AMBRA1: variants seen among roughly 807,000 people sequenced by gnomAD.
AMBRA1 encodes autophagy and beclin 1 regulator 1, also known as activating molecule in BECN1-regulated autophagy protein 1.
AMBRA1 carries 47 observed loss-of-function variants against 125.4 expected under a neutral mutation model. That is an observed-to-expected ratio of 0.37 (90% CI 0.30 to 0.48). The LOEUF (loss-of-function observed/expected upper bound fraction) is 0.48, where lower values mean the gene tolerates loss of function less well. AMBRA1 is among the 20% of genes least tolerant of loss of function. The pLI, the probability that AMBRA1 is intolerant of heterozygous loss-of-function variation, is 0.99. For missense variants in AMBRA1, 1,331 were observed against 1,693.4 expected, an observed-to-expected ratio of 0.79 and a Z score of 3.76; for synonymous variants, 626 against 655.5, an observed-to-expected ratio of 0.95 and a Z score of 0.69.
intron 1 of AMBRA1, among the ~76,000 whole-genome samples, chr11:46,551,820 G>A (rs1591101412): frequency 6.6e-6 from 1 of 152,202 alleles, no homozygotes; most frequent in East Asian, 1.9e-4. Flanking sequence ...CTGAGGTCAG[G>A]AGTTCGAGAC....
chr11:46,578,428 A>C (rs1203980395), intron 1 of AMBRA1, among the ~76,000 whole-genome samples: 3 of 151,888 alleles, frequency 2.0e-5, no homozygotes, highest in Non-Finnish European at 4.4e-5. Flanking sequence ...CAGAAGTTGC[A>C]GTGAGCCAAG....
intron 14 of AMBRA1, among the ~76,000 whole-genome samples, chr11:46,421,864 G>A (rs1485551422): frequency 2.0e-5 from 3 of 152,052 alleles, no homozygotes; most frequent in African/African-American, 7.3e-5. Context: ...AGATTTCCAC[G>A]GGGACTGGCT....
At chr11:46,524,023 C>T (rs1951867140) in intron 7 of AMBRA1, among the ~76,000 whole-genome samples, 1 of 152,174 alleles carries the variant, frequency 6.6e-6, no homozygotes, top group Admixed American at 6.5e-5. Context: ...GATGCACCAC[C>T]ATGCCCAGCT....
At chr11:46,407,078 C>T (rs1371503858) in intron 17 of AMBRA1, among the ~76,000 whole-genome samples, 2 of 152,106 alleles carry the variant, frequency 1.3e-5, no homozygotes, top group Non-Finnish European at 2.9e-5. Context: ...ACTTGGGAGG[C>T]TGAGGCAGGA....
At position 46,397,597 on chromosome 11, in the gene AMBRA1, A is replaced by G; in HGVS notation, c.3750T>C (p.Ser1250=). Residue 1250 remains serine, a synonymous_variant, in exon 18 of 18, where the codon TCT becomes TCC. Transcript: ENST00000683756. The part of the protein sequence containing the change: ...GREPTQPTLP[S]SSPVPIPVSL... ...AAACAGGAATGGGGACAGGGGAGGA[A>G]GAGGGCAGGGTTGGCTGGGTTGGCT... The G allele has an allele frequency of 6.2e-7, 1 of 1,604,786 alleles. No individual in the cohort carries two copies. Among genetic ancestry groups the G allele is most frequent in the South Asian group, 1.1e-5 (1 of 89,818 alleles).
chr11:46,462,128 G>C (rs996139173), intron 11 of AMBRA1, among the ~76,000 whole-genome samples: 7 of 152,106 alleles, frequency 4.6e-5, no homozygotes, highest in African/African-American at 1.7e-4. Flanking sequence ...AATGTATTTT[G>C]GTGTTTCCTT....
At chr11:46,507,372 A>G (rs1294860127) in intron 9 of AMBRA1, among the ~76,000 whole-genome samples, 4 of 141,528 alleles carry the variant, frequency 2.8e-5, no homozygotes, top group African/African-American at 7.9e-5. Flanking sequence ...CCAGCTACTC[A>G]GGAGGCTGAG....
chr11:46,421,616 T>C (rs751962314), intron 14 of AMBRA1, among the ~76,000 whole-genome samples: 9 of 152,210 alleles, frequency 5.9e-5, no homozygotes, highest in Admixed American at 3.9e-4. Flanking sequence ...CTGGCCCATT[T>C]TGAAAAGCAC....
intron 11 of AMBRA1, among the ~76,000 whole-genome samples, chr11:46,484,557 T>G (rs976191594): frequency 2.0e-5 from 3 of 152,132 alleles, no homozygotes; most frequent in Non-Finnish European, 4.4e-5. Flanking sequence ...ATATGGACAT[T>G]AAGATTTCTA....
intron 14 of AMBRA1, among the ~76,000 whole-genome samples, chr11:46,432,031 TTTTA>T (rs1016983421): frequency 6.6e-6 from 1 of 152,172 alleles, no homozygotes; most frequent in Non-Finnish European, 1.5e-5. Flanking sequence ...GATGCTTTAT[TTTTA>T]TTTATTTATT....
intron 1 of AMBRA1, among the ~76,000 whole-genome samples, chr11:46,576,161 G>A (rs888282294): frequency 3.5e-4 from 53 of 152,208 alleles, no homozygotes; most frequent in African/African-American, 1.3e-3. Context: ...CCTGAGTATG[G>A]ATGTGAAATC....
At chr11:46,591,941 ATT>A (rs1167665024) in intron 1 of AMBRA1, among the ~76,000 whole-genome samples, 210 of 115,108 alleles carry the variant, frequency 1.8e-3, no homozygotes, top group African/African-American at 7.2e-3. Context: ...CTCAAGACTG[ATT>A]TTTTTTTTTT....
intron 17 of AMBRA1, among the ~76,000 whole-genome samples, chr11:46,406,908 C>T (rs527799147): frequency 9.3e-5 from 13 of 139,802 alleles, no homozygotes; most frequent in African/African-American, 2.4e-4. Flanking sequence ...AGGCCAGGCA[C>T]GGTGGCTCAC....
intron 7 of AMBRA1, among the ~76,000 whole-genome samples, chr11:46,528,730 T>C (rs1952086703): frequency 6.6e-6 from 1 of 152,108 alleles, no homozygotes; most frequent in African/African-American, 2.4e-5. Context: ...TGTACACTTT[T>C]AAAATTATTA....
At chr11:46,414,255 C>T (rs376356071) in intron 15 of AMBRA1, among the ~76,000 whole-genome samples, 17 of 152,312 alleles carry the variant, frequency 1.1e-4, no homozygotes, top group South Asian at 8.3e-4. Flanking sequence ...GTCTCTGCAG[C>T]GCGGGAAAGA....
chr11:46,463,176 T>C (rs1949172502), intron 11 of AMBRA1, among the ~76,000 whole-genome samples: 1 of 152,252 alleles, frequency 6.6e-6, no homozygotes, highest in African/African-American at 2.4e-5. Context: ...CTCAATTTCC[T>C]GCCCTCTGCA....
Position 46,397,938 on chromosome 11 carries a change from C to A in AMBRA1, c.3409G>T (p.Gly1137Cys), listed in dbSNP as rs1304310087. The A allele has an allele frequency of 6.3e-7, 1 of 1,588,252 alleles. No homozygotes were observed. The highest frequency in any genetic ancestry group is 8.5e-7 in the Non-Finnish European group (1 of 1,171,102). ...TCTCCACTGGCACCATACTCTGAAC[C>A]CTCACCTGGCAGATACAAAGCAGAA... ...TAASGPGEGE[G>C]SEYGASGEDA... The change falls in exon 18 of 18, where the codon GGT becomes TGT. Residue 1137 changes from glycine to cysteine, a missense_variant. Transcript: ENST00000683756.
At chr11:46,582,220 A>T (rs2044200584) in intron 1 of AMBRA1, among the ~76,000 whole-genome samples, 1 of 151,874 alleles carries the variant, frequency 6.6e-6, no homozygotes, top group Non-Finnish European at 1.5e-5. Context: ...TATTCCAACC[A>T]TATCAACCTT....
At chr11:46,401,744 C>T (rs1474758723) in intron 17 of AMBRA1, among the ~76,000 whole-genome samples, 1 of 152,246 alleles carries the variant, frequency 6.6e-6, no homozygotes, top group African/African-American at 2.4e-5. Context: ...TGTGTCCTAA[C>T]TGGGCTTCTT....
Sources: gnomAD v4.1 joint callset for allele counts (sites outside exome capture counted in the v4.1 genomes callset) on GRCh38, gnomAD v4.1.1 for gene constraint, MANE v1.5 for transcripts, NCBI Gene and HGNC (gene_info 2026-07-23, HGNC 2026-07-21) for gene names.